MEI4: variants seen among roughly 807,000 people sequenced by gnomAD.
MEI4 encodes the protein meiotic double-stranded break formation protein 4.
A neutral mutation model predicts 31.4 loss-of-function variants in MEI4; 27 were observed. The observed-to-expected ratio is 0.86, with a 90% CI of 0.63 to 1.19. MEI4 has a LOEUF of 1.19. Ranked by LOEUF, MEI4 falls within the 50% of genes most tolerant of loss-of-function variation. The pLI is 0.00. For missense variants in MEI4, 329 were observed against 398.9 expected, an observed-to-expected ratio of 0.82 and a Z score of 1.49; for synonymous variants, 122 against 145.4, an observed-to-expected ratio of 0.84 and a Z score of 1.16.
intron 3 of MEI4, among the ~76,000 whole-genome samples, chr6:77,800,124 T>G (rs911790377): frequency 5.9e-5 from 9 of 152,306 alleles, no homozygotes; most frequent in African/African-American, 2.2e-4. Flanking sequence ...TTCCTACCCA[T>G]GAGCATGGAA....
At chr6:77,826,491 A>G (rs1203541642) in intron 3 of MEI4, among the ~76,000 whole-genome samples, 2 of 152,154 alleles carry the variant, frequency 1.3e-5, no homozygotes, top group East Asian at 1.9e-4. Flanking sequence ...AGATCTTTAT[A>G]TACTACTCTG....
chr6:77,911,389 A>G (rs918444070), intron 4 of MEI4, among the ~76,000 whole-genome samples: 2 of 152,006 alleles, frequency 1.3e-5, no homozygotes, highest in Non-Finnish European at 1.5e-5. Flanking sequence ...TTTGGTATAC[A>G]AATGATCTTT....
rs184090282 is a variant in MEI4, at chr6:77,683,588, T to C, written c.-14-7070T>C. On this transcript the variant is annotated intron_variant, in intron 1 of 4. Transcript: ENST00000684080. ...TGGCCCCCACCCTTGGAAACCACCA[T>C]TCTATCTCTGTCTCTATAGGTTTGA... Among the ~76,000 whole-genome samples, 132 of 152,222 alleles carry C rather than the reference T, an allele frequency of 8.7e-4. 1 individual carries two copies. In the East Asian group the frequency reaches 0.021, roughly 24 times the overall value.
chr6:77,765,361 A>AT (rs1768144264), intron 3 of MEI4, among the ~76,000 whole-genome samples: 1 of 151,998 alleles, frequency 6.6e-6, no homozygotes, highest in East Asian at 1.9e-4. Context: ...GTGACAACTT[A>AT]TATTTCATAT....
intron 2 of MEI4, among the ~76,000 whole-genome samples, chr6:77,749,560 G>A (rs1767709243): frequency 6.6e-6 from 1 of 152,132 alleles, no homozygotes; most frequent in East Asian, 1.9e-4. Flanking sequence ...GAGAAAACAA[G>A]ATTAGAGAAA....
intron 4 of MEI4, among the ~76,000 whole-genome samples, chr6:77,909,330 A>G (rs36144607): frequency 0.14 from 21,304 of 152,070 alleles, 1,771 homozygotes; most frequent in East Asian, 0.39. Context: ...TAAAGAAGAA[A>G]AGAGAGAAGA....
At chr6:77,755,410 T>A (rs547516580) in intron 2 of MEI4, among the ~76,000 whole-genome samples, 2 of 152,160 alleles carry the variant, frequency 1.3e-5, no homozygotes, top group East Asian at 3.9e-4. Context: ...TCTGTAGGTT[T>A]TGTTTATTCA....
At chr6:77,680,228 G>C (rs563629452) in intron 1 of MEI4, among the ~76,000 whole-genome samples, 4 of 151,100 alleles carry the variant, frequency 2.6e-5, no homozygotes, top group African/African-American at 9.7e-5. Flanking sequence ...GCAGTGAGCC[G>C]AGATCGCACC....
intron 4 of MEI4, among the ~76,000 whole-genome samples, chr6:77,888,554 A>T (rs1298292897): frequency 6.6e-6 from 1 of 152,060 alleles, no homozygotes; most frequent in African/African-American, 2.4e-5. Context: ...TTCCCTCAGT[A>T]TTTGTATGGG....
At chr6:77,919,326 A>G (rs1487435786) in intron 4 of MEI4, among the ~76,000 whole-genome samples, 1 of 152,126 alleles carries the variant, frequency 6.6e-6, no homozygotes, top group Non-Finnish European at 1.5e-5. Flanking sequence ...ATCAAACTAG[A>G]ACTCAGGATT....
At chr6:77,867,828 CAAT>C (rs1771085801) in intron 4 of MEI4, among the ~76,000 whole-genome samples, 1 of 152,062 alleles carries the variant, frequency 6.6e-6, no homozygotes, top group Admixed American at 6.6e-5. Flanking sequence ...AAATGTACAA[CAAT>C]GATAGACTGG....
chr6:77,746,167 A>G (rs561964050), intron 2 of MEI4, among the ~76,000 whole-genome samples: 18 of 152,318 alleles, frequency 1.2e-4, no homozygotes, highest in Non-Finnish European at 2.1e-4. Flanking sequence ...CTTCAAAAAA[A>G]CTACTGAATC....
chr6:77,813,335 C>G (rs1769617219), intron 3 of MEI4, among the ~76,000 whole-genome samples: 1 of 152,044 alleles, frequency 6.6e-6, no homozygotes, highest in African/African-American at 2.4e-5. Flanking sequence ...AACAGCTCTA[C>G]AGTACCTCAG....
chr6:77,666,880 T>TGCGTGC (rs146541507), intron 1 of MEI4, among the ~76,000 whole-genome samples: 88 of 147,658 alleles, frequency 6.0e-4, no homozygotes, highest in South Asian at 1.8e-3. Flanking sequence ...TGTGTGTGTG[T>TGCGTGC]GTGCGTGCGT....
chr6:77,765,315 TA>T (rs1163628827), intron 3 of MEI4, among the ~76,000 whole-genome samples: 1 of 150,348 alleles, frequency 6.7e-6, no homozygotes, highest in Non-Finnish European at 1.5e-5. Flanking sequence ...CAACGTGAGA[TA>T]TTTTTTTGAA....
intron 4 of MEI4, among the ~76,000 whole-genome samples, chr6:77,894,652 T>C (rs1766043228): frequency 6.6e-6 from 1 of 152,196 alleles, no homozygotes; most frequent in Non-Finnish European, 1.5e-5. Context: ...AAAATTTGCT[T>C]TCAATTTCTA....
upstream of MEI4, among the ~76,000 whole-genome samples, chr6:77,650,532 C>G (rs771223494): frequency 1.3e-5 from 2 of 152,204 alleles, no homozygotes; most frequent in African/African-American, 2.4e-5. Context: ...CCAGGGCTCC[C>G]GTGCCCGCTT....
At chr6:77,896,220 T>A (rs977840936) in intron 4 of MEI4, among the ~76,000 whole-genome samples, 1 of 152,100 alleles carries the variant, frequency 6.6e-6, no homozygotes, top group Admixed American at 6.6e-5. Flanking sequence ...TGTGAAAAGA[T>A]CAAGAATTTA....
chr6:77,657,629 G>C (rs903998986), intron 1 of MEI4, among the ~76,000 whole-genome samples: 3 of 151,842 alleles, frequency 2.0e-5, no homozygotes, highest in Admixed American at 1.3e-4. Context: ...CACTCTGAAG[G>C]CTGCATTGTT....
Sources: gnomAD v4.1 joint callset for allele counts (sites outside exome capture counted in the v4.1 genomes callset) on GRCh38, gnomAD v4.1.1 for gene constraint, MANE v1.5 for transcripts, NCBI Gene and HGNC (gene_info 2026-07-23, HGNC 2026-07-21) for gene names.